The following POLRMT variants were observed in gnomAD, a reference collection of about 807,000 sequenced individuals.
The protein encoded by POLRMT is RNA polymerase mitochondrial.
Under a neutral mutation model 132.2 loss-of-function variants are expected in POLRMT, and 114 were observed. The observed-to-expected ratio is 0.86, with a 90% CI of 0.74 to 1.01. The LOEUF (loss-of-function observed/expected upper bound fraction) is 1.01. Ranked by LOEUF, POLRMT falls within the 50% of genes least tolerant of loss-of-function variation. The pLI, the probability that POLRMT is intolerant of heterozygous loss-of-function variation, is 0.00. For missense variants in POLRMT, 2,003 were observed against 1,729.1 expected (o/e 1.16, Z -2.81); for synonymous variants, 1,020 against 773.4 (o/e 1.32, Z -5.29).
At position 623,491 on chromosome 19, in the gene POLRMT, T is replaced by C; in HGVS notation, c.1253A>G (p.Glu418Gly). The C allele has an allele frequency of 1.2e-6, 2 of 1,612,862 alleles. No homozygotes were observed. The highest frequency in any genetic ancestry group is 1.7e-6 in the Non-Finnish European group (2 of 1,179,978). Reference sequence around the variant, plus strand: ...CTCCTTGCTTGGCAACGTGGGCTTCTCCACGGACACCACGCACACCCTGCT... The same window carrying C: ...CTCCTTGCTTGGCAACGTGGGCTTCCCCACGGACACCACGCACACCCTGCT... ...LASRVCVVSV[E>G]KPTLPSKEVK... is the part of the protein sequence containing the mutation. The change falls in exon 6 of 21, where the codon GAG becomes GGG. Residue 418 changes from glutamate to glycine, a missense_variant. Physicochemically the swap from Glu to Gly is moderately conservative, Grantham distance 98. Transcript: ENST00000588649.
rs1012584554 is a variant in POLRMT, at chr19:624,897, T to G, written c.962A>C (p.Glu321Ala). The G allele has an allele frequency of 6.2e-7, 1 of 1,609,708 alleles. No homozygotes were observed. The highest frequency in any genetic ancestry group is 8.5e-7 in the Non-Finnish European group (1 of 1,177,816). Residue 321 changes from glutamate to alanine, a missense_variant, in exon 5 of 21, where the codon GAA becomes GCA. Transcript: ENST00000588649. ...CTTCAGCCCCTCCTGGCTCATCTGT[T>G]CCAGACACCTGTGGTGCAGGCGGCC... ...QDAGTIERCL[E>A]QMSQEGLKLQ... is the part of the protein sequence containing the mutation.
chr19:623,703 G>A (rs1412541846), intron 5 of POLRMT, 100 bp from the exon 6 acceptor site: 7 of 1,406,006 alleles, frequency 5.0e-6, no homozygotes, highest in Non-Finnish European at 6.8e-6. Context: ...TGCGTCTCCT[G>A]CAAGTTGCTG....
rs1984187159 is a variant in POLRMT, at chr19:618,404, GA to G, written c.3422+83del. ...TCTGCCCAGTCCCTGCCCCCAGCTAGACCCAGCCTTGCCAGCTGTGCCCTGC... is the reference window on the plus strand; with the variant it reads ...TCTGCCCAGTCCCTGCCCCCAGCTAGCCCAGCCTTGCCAGCTGTGCCCTGC... On this transcript the variant is annotated intron_variant, in intron 17 of 20. Coordinates refer to ENST00000588649, the MANE Select transcript of POLRMT (RefSeq NM_005035.4). 2.7e-6 allele frequency: 3 copies of G among 1,108,372 alleles called. No individual in the cohort carries two copies. In the South Asian group the frequency reaches 4.4e-5, roughly 16 times the overall value. 68.7% of individuals were successfully genotyped at this position (1,108,372 alleles called of 1,614,324 possible).
rs758320974 is a variant in POLRMT at position 625,188 on chromosome 19, G to T, written c.889C>A (p.Leu297Met). The T allele has an allele frequency of 3.1e-6, 5 of 1,613,946 alleles. No individual in the cohort carries two copies. In the African/African-American group the frequency reaches 6.7e-5, roughly 22 times the overall value. ...CACTGGAGGGCAGCCGCATAGGACA[G>T]CAGGTCCGGAGTCAAGCCGGCATCC... is the stretch of plus-strand genomic sequence containing the variant. ...VKDAGLTPDL[L>M]SYAAALQCMG... The change falls in exon 4 of 21, where the codon CTG (leucine) becomes ATG (methionine). Residue 297 changes from leucine (L) to methionine (M), a missense_variant. Leu to Met is a conservative substitution (Grantham distance 15, BLOSUM62 2). Coordinates refer to ENST00000588649, the MANE Select transcript of POLRMT (RefSeq NM_005035.4).
intron 19 of POLRMT, 33 bp from the exon 20 acceptor site, chr19:617,513 G>A: frequency 1.2e-6 from 2 of 1,606,992 alleles, no homozygotes; most frequent in Admixed American, 1.7e-5. Flanking sequence ...GTGAGGCTGA[G>A]GCCAGGTTTT....
chr19:625,065 G>C, intron 4 of POLRMT, 59 bp downstream of exon 4: 1 of 1,571,904 alleles, frequency 6.4e-7, no homozygotes, highest in Non-Finnish European at 8.6e-7. Context: ...CACCGTCCCA[G>C]ATCTTAAAAC....
Position 621,577 on chromosome 19 carries a change from C to A in POLRMT, c.2121G>T (p.Trp707Cys), listed in dbSNP as rs1984605841. 3.4e-6 allele frequency: 5 copies of A among 1,468,592 alleles called. No individual in the cohort carries two copies. Among genetic ancestry groups the A allele is most frequent in the Non-Finnish European group, 3.6e-6 (4 of 1,113,530 alleles). The allele number at this position is 1,468,592 out of a possible 1,614,324, so 91.0% of individuals were successfully genotyped here. ...GGTCCAGCACGCGCCCGTTGACGCG[C>A]CAGGCGCAGTTGCCCAGTTGGGTGA... ...DALTQLGNCA[W>C]RVNGRVLDLV... Residue 707 changes from tryptophan (W) to cysteine (C), a missense_variant, in exon 10 of 21, where the codon TGG (tryptophan) becomes TGT (cysteine). Coordinates refer to ENST00000588649, the MANE Select transcript of POLRMT (RefSeq NM_005035.4).
intron 2 of POLRMT, among the ~76,000 whole-genome samples, chr19:631,033 T>C (rs191822378): frequency 1.3e-5 from 2 of 151,328 alleles, no homozygotes; most frequent in East Asian, 3.9e-4. Context: ...GTGGCATGTG[T>C]CTATAGTACC....
intron 17 of POLRMT, chr19:618,276 C>A (rs1438797715): frequency 5.3e-6 from 3 of 570,368 alleles, no homozygotes; most frequent in Non-Finnish European, 9.3e-6. Flanking sequence ...CCATGCTCGG[C>A]TCTCCCTGTC....
In POLRMT at chr19:624,812, C is replaced by T. The variant is rs150581806; in HGVS notation, c.1047G>A (p.Lys349=). The T allele has an allele frequency of 6.2e-7, 1 of 1,613,392 alleles. No homozygotes were observed. The highest frequency in any genetic ancestry group is 8.5e-7 in the Non-Finnish European group (1 of 1,180,018). ...LSEEDRATVL[K]AVHKVKPTFS... ...AGGTGGGCTTCACCTTGTGCACGGC[C>T]TTCAGAACAGTGGCCCGATCCTCCT... The change falls in exon 5 of 21, where the codon AAG becomes AAA. Residue 349 remains lysine, a synonymous_variant. Transcript: ENST00000588649.
intron 1 of POLRMT, 151 bp from the exon 2 acceptor site, chr19:633,089 G>A: frequency 1.5e-6 from 1 of 662,056 alleles, no homozygotes; most frequent in Non-Finnish European, 2.4e-6. Context: ...AACTAAGACA[G>A]CGAAGGTGGA....
intron 2 of POLRMT, among the ~76,000 whole-genome samples, chr19:630,889 G>A (rs937031534): frequency 4.6e-5 from 7 of 152,182 alleles, no homozygotes; most frequent in Non-Finnish European, 8.8e-5. Flanking sequence ...CGGGCATGGC[G>A]GCTCACGTCG....
chr19:619,151 G>T (rs780331649), intron 14 of POLRMT, 41 bp from the exon 15 acceptor site: 1 of 1,609,788 alleles, frequency 6.2e-7, no homozygotes, highest in Non-Finnish European at 8.5e-7. Context: ...GGCTCAGGCC[G>T]GGGATCCCGT....
Position 618,680 on chromosome 19 carries a change from G to A in POLRMT, c.3323+25C>T, listed in dbSNP as rs202212347. On this transcript the variant is annotated intron_variant, in intron 16 of 20. Coordinates refer to ENST00000588649, the MANE Select transcript of POLRMT (RefSeq NM_005035.4). The stretch of plus-strand genomic sequence containing the variant: ...GGCTGCTCTCCAGACCCCCGGCCAG[G>A]CCCCAGCCCGGGCCCCCCACTCACC... 2.1e-3 allele frequency: 3,409 copies of A among 1,605,464 alleles called. 15 individuals carry two copies. Among genetic ancestry groups the A allele is most frequent in the Non-Finnish European group, 2.7e-3 (3,140 of 1,176,022 alleles).
At chr19:618,922 TG>T in intron 15 of POLRMT, 74 bp downstream of exon 15, 2 of 1,381,332 alleles carry the variant, frequency 1.4e-6, no homozygotes, top group Non-Finnish European at 2.0e-6. Flanking sequence ...GGTGGTACGC[TG>T]GGGCACTGGT....
chr19:631,026 G>A (rs1329349048), intron 2 of POLRMT, among the ~76,000 whole-genome samples: 2 of 147,364 alleles, frequency 1.4e-5, no homozygotes, highest in East Asian at 1.9e-4. Flanking sequence ...GGGCGTGGTG[G>A]CATGTGTCTA....
At chr19:618,012 G>A in intron 17 of POLRMT, 163 bp from the exon 18 acceptor site, 3 of 631,036 alleles carry the variant, frequency 4.8e-6, no homozygotes, top group South Asian at 1.8e-5. Context: ...CAAACATCCT[G>A]GGTTAGGTAT....
In POLRMT at chr19:621,436, G is replaced by A. The variant is rs1984585824; in HGVS notation, c.2262C>T (p.Arg754=). 1.4e-6 allele frequency: 2 copies of A among 1,446,630 alleles called. No individual in the cohort carries two copies. The highest frequency in any genetic ancestry group is 1.4e-5 in the South Asian group (1 of 73,970). The allele number at this position is 1,446,630 out of a possible 1,614,324, so 89.6% of individuals were successfully genotyped here. A position where few individuals can be genotyped will look rare whatever the true frequency, so the allele number is the denominator to read the frequency against. The change falls in exon 10 of 21, where the codon CGC becomes CGT. Residue 754 remains arginine (R), a synonymous_variant. Transcript: ENST00000588649. ...CCAGCTCACGGCGCAGCTCGGCCTT[G>A]CGGGCGGGCGCGGCGCTGTGCGGCA... is the stretch of plus-strand genomic sequence containing the variant. ...AHLPHSAAPA[R]KAELRRELAH... is the part of the protein sequence containing the mutation.
At chr19:624,932 G>A (rs975820083) in intron 4 of POLRMT, 27 bp from the exon 5 acceptor site, 3 of 1,587,406 alleles carry the variant, frequency 1.9e-6, no homozygotes. Flanking sequence ...CTGCTCGAGG[G>A]ACGGGCCAGC....
Sources: gnomAD v4.1 joint callset for allele counts (sites outside exome capture counted in the v4.1 genomes callset) on GRCh38, gnomAD v4.1.1 for gene constraint, MANE v1.5 for transcripts, NCBI Gene and HGNC (gene_info 2026-07-23, HGNC 2026-07-21) for gene names.